TOP2A: variants seen among roughly 807,000 people sequenced by gnomAD.
TOP2A encodes the protein DNA topoisomerase 2-alpha.
A neutral mutation model predicts 187.2 loss-of-function variants in TOP2A; 68 were observed. That is an observed-to-expected ratio of 0.36 (90% confidence interval 0.30 to 0.44). The LOEUF is 0.44. Ranked by LOEUF, TOP2A falls within the 20% of genes least tolerant of loss-of-function variation. The pLI, the probability that TOP2A is intolerant of heterozygous loss-of-function variation, is 1.00. For missense variants in TOP2A, 1,196 were observed against 1,808.7 expected, an observed-to-expected ratio of 0.66 and a Z score of 6.14; for synonymous variants, 542 against 593.2, an observed-to-expected ratio of 0.91 and a Z score of 1.25.
intron 20 of TOP2A, among the ~76,000 whole-genome samples, chr17:40,402,055 AG>A (rs1567785613): frequency 6.6e-6 from 1 of 152,168 alleles, no homozygotes; most frequent in Non-Finnish European, 1.5e-5. Context: ...AGTTTAGATG[AG>A]ATGGGGGTGG....
Position 40,411,772 on chromosome 17 carries a change from A to G in TOP2A, c.836T>C (p.Leu279Ser). 6.2e-7 allele frequency: 1 copy of G among 1,609,034 alleles called. No homozygotes were observed. The highest frequency in any genetic ancestry group is 8.5e-7 in the Non-Finnish European group (1 of 1,178,512). ...TTTCAAGGAGTTACCAGTTTCATCC[A>G]ACTTGTCCTTCAAATACATGTCCAC... ...SYVDMYLKDK[L>S]DETGNSLKVI... is the part of the protein sequence containing the mutation. Residue 279 changes from leucine (L) to serine (S), a missense_variant, in exon 8 of 35, where the codon TTG becomes TCG. Physicochemically the swap from Leu to Ser is moderately radical, Grantham distance 145. Transcript: ENST00000423485. The surrounding 1 kb of genome is among the most constrained non-coding windows in gnomAD (Gnocchi z 4.4).
Position 40,399,025 on chromosome 17 carries a change from G to C in TOP2A, c.3288+15C>G, listed in dbSNP as rs2143643339. The C allele has an allele frequency of 3.1e-6, 5 of 1,591,368 alleles. No individual in the cohort carries two copies. The highest frequency in any genetic ancestry group is 4.3e-6 in the Non-Finnish European group (5 of 1,166,876). ...ATAGTCTTTAACAATATAGAAAAGTGCCACCCAAGATTACCTTTTGCTGGG... is the reference window on the plus strand; with the variant it reads ...ATAGTCTTTAACAATATAGAAAAGTCCCACCCAAGATTACCTTTTGCTGGG... On this transcript the variant is annotated intron_variant, in intron 25 of 34. Coordinates refer to ENST00000423485, the MANE Select transcript of TOP2A (RefSeq NM_001067.4).
chr17:40,407,715 T>C lies in TOP2A; in HGVS notation c.1501-41A>G, dbSNP rs567118152. The C allele has an allele frequency of 3.0e-5, 46 of 1,521,490 alleles. No homozygotes were observed. The South Asian group carries it at 5.5e-4, about 18-fold the overall frequency. 94.2% of individuals were successfully genotyped at this position (1,521,490 alleles called of 1,614,324 possible). On this transcript the variant is annotated intron_variant, in intron 12 of 34. Coordinates refer to ENST00000423485, the MANE Select transcript of TOP2A (RefSeq NM_001067.4). Reference sequence around the variant, plus strand: ...ACCAAAAAAAGCATCGTTTATAAATTTGAAAAGAACAAAGAAATTTAACAG... The same window carrying C: ...ACCAAAAAAAGCATCGTTTATAAATCTGAAAAGAACAAAGAAATTTAACAG...
rs471692 is a variant in TOP2A at position 40,400,518 on chromosome 17, T to C, written c.2799+11A>G. 0.81 allele frequency: 1,298,625 copies of C among 1,601,858 alleles called. 529,112 individuals are homozygous for C. The highest frequency in any genetic ancestry group is 0.96 in the African/African-American group (71,513 of 74,378). On this transcript the variant is annotated intron_variant, in intron 22 of 34. Transcript: ENST00000423485. ...ATCACAAACCTAAAAAAGAAATCCA[T>C]AATTATTTACCTGGGTCCATGTTCT...
intron 30 of TOP2A, 47 bp from the exon 31 acceptor site, chr17:40,392,388 A>C: frequency 6.4e-7 from 1 of 1,552,492 alleles, no homozygotes; most frequent in Non-Finnish European, 8.7e-7. Flanking sequence ...GTAGTAGGAG[A>C]AACAATTCAT....
intron 5 of TOP2A, 71 bp downstream of exon 5, chr17:40,413,409 C>G: frequency 7.1e-7 from 1 of 1,409,292 alleles, no homozygotes; most frequent in Non-Finnish European, 9.5e-7. Flanking sequence ...CTTTAACCCT[C>G]ATGCCACAGA....
chr17:40,411,562 C>T lies in TOP2A; in HGVS notation c.963+83G>A. The T allele has an allele frequency of 6.5e-7, 1 of 1,547,536 alleles. No homozygotes were observed. The highest frequency in any genetic ancestry group is 8.9e-7 in the Non-Finnish European group (1 of 1,124,330). ...CTTTATACTAAGCTAGCCCAATATT[C>T]AAGTCCACTTTATATATTAAAAACA... is the stretch of plus-strand genomic sequence containing the variant. On this transcript the variant is annotated intron_variant, in intron 8 of 34. Coordinates refer to ENST00000423485, the MANE Select transcript of TOP2A (RefSeq NM_001067.4). The surrounding 1 kb of genome is among the most constrained non-coding windows in gnomAD (Gnocchi z 4.4).
At chr17:40,402,436 G>A (rs1279603981) in intron 20 of TOP2A, among the ~76,000 whole-genome samples, 1 of 152,168 alleles carries the variant, frequency 6.6e-6, no homozygotes, top group Non-Finnish European at 1.5e-5. Flanking sequence ...TTTAGAGGTT[G>A]GGAAGGTGAG....
chr17:40,409,722 A>G, intron 10 of TOP2A: 1 of 210,612 alleles, frequency 4.7e-6, no homozygotes, highest in Non-Finnish European at 9.7e-6. Flanking sequence ...AGAGATTGCA[A>G]TGAGCCAGGA....
intron 19 of TOP2A, among the ~76,000 whole-genome samples, chr17:40,403,577 A>G (rs1184824924): frequency 1.3e-5 from 2 of 152,240 alleles, no homozygotes; most frequent in Non-Finnish European, 2.9e-5. Context: ...ACCTGTAGGC[A>G]ATCTAGTTCT....
rs764199346 is a variant in TOP2A at position 40,417,823 on chromosome 17, G to A, written c.-32C>T. ...GGTCGTGAAGGGGCTCAAGAACCCTGAAAGCGACTAAACAGGCAGGACCCC... is the reference window on the plus strand; with the variant it reads ...GGTCGTGAAGGGGCTCAAGAACCCTAAAAGCGACTAAACAGGCAGGACCCC... On this transcript the variant is annotated 5_prime_UTR_variant, in exon 1 of 35. Transcript: ENST00000423485. The A allele has an allele frequency of 1.9e-6, 3 of 1,613,222 alleles. No individual in the cohort carries two copies. The highest frequency in any genetic ancestry group is 2.2e-5 in the South Asian group (2 of 91,012).
At chr17:40,390,624 ATTTT>A (rs202246173) in intron 33 of TOP2A, among the ~76,000 whole-genome samples, 5 of 129,806 alleles carry the variant, frequency 3.9e-5, no homozygotes, top group Admixed American at 7.9e-5. Context: ...TAAACATTCT[ATTTT>A]TTTTTTTTTT....
Position 40,411,533 on chromosome 17 carries a change from C to T in TOP2A, c.964-78G>A. 1 of 1,557,454 alleles carries T rather than the reference C, an allele frequency of 6.4e-7. No homozygotes were observed. Among genetic ancestry groups the T allele is most frequent in the Non-Finnish European group, 8.9e-7 (1 of 1,129,634 alleles). ...AATCAAACATTAAAAACTAATTTAA[C>T]CTCCTTTATACTAAGCTAGCCCAAT... is the stretch of plus-strand genomic sequence containing the variant. On this transcript the variant is annotated intron_variant, in intron 8 of 34. Coordinates refer to ENST00000423485, the MANE Select transcript of TOP2A (RefSeq NM_001067.4). This position sits in a 1 kb window ranked among gnomAD's most constrained non-coding sequence, Gnocchi z 4.4.
At position 40,411,044 on chromosome 17, in the gene TOP2A, A is replaced by T. The variant is rs1452307592; in HGVS notation, c.1203+65T>A. ...ATGAGAAGAATCATTGTTTCTGCAG[A>T]GCTAAGAAGTGCAATGGAAAATAAA... On this transcript the variant is annotated intron_variant, in intron 10 of 34. Transcript: ENST00000423485. This position sits in a 1 kb window ranked among gnomAD's most constrained non-coding sequence, Gnocchi z 4.4. 6.9e-7 allele frequency: 1 copy of T among 1,442,554 alleles called. No homozygotes were observed. Among genetic ancestry groups the T allele is most frequent in the South Asian group, 1.4e-5 (1 of 73,416 alleles). The allele number at this position is 1,442,554 out of a possible 1,614,324, so 89.4% of individuals were successfully genotyped here. A position where few individuals can be genotyped will look rare whatever the true frequency, so the allele number is the denominator to read the frequency against.
intron 16 of TOP2A, among the ~76,000 whole-genome samples, chr17:40,405,274 C>T (rs988293359): frequency 1.3e-5 from 2 of 151,704 alleles, no homozygotes; most frequent in Middle Eastern, 3.2e-3. Context: ...CTCAGCCTCC[C>T]GTGTAGCTGG....
At chr17:40,408,823 T>G (rs1379627593) in intron 10 of TOP2A, 193 bp from the exon 11 acceptor site, 1 of 696,866 alleles carries the variant, frequency 1.4e-6, no homozygotes, top group Non-Finnish European at 2.6e-6. Context: ...CTGCTCCTTT[T>G]GGTTCATTCG....
chr17:40,390,514 T>C (rs1392499848), intron 33 of TOP2A, among the ~76,000 whole-genome samples: 1 of 151,884 alleles, frequency 6.6e-6, no homozygotes, highest in Non-Finnish European at 1.5e-5. Flanking sequence ...CTTAGATGAA[T>C]TGTTCTCATT....
chr17:40,391,291 T>G, intron 33 of TOP2A: 1 of 484,442 alleles, frequency 2.1e-6, no homozygotes, highest in Non-Finnish European at 3.6e-6. Context: ...AGGAGTTTGA[T>G]CTGTAACTGA....
Position 40,417,786 on chromosome 17 carries a change from T to C in TOP2A, c.6A>G (p.Glu2=). The C allele has an allele frequency of 6.2e-7, 1 of 1,613,400 alleles. No homozygotes were observed. The highest frequency in any genetic ancestry group is 1.1e-5 in the South Asian group (1 of 91,070). M[E]VSPLQPVNEN... ...CGAGCCGTACCTGCAATGGTGACAC[T>C]TCCATGGTGACGGTCGTGAAGGGGC... The change falls in exon 1 of 35, where the codon GAA becomes GAG. Residue 2 remains glutamate (E), a synonymous_variant. Transcript: ENST00000423485.
Sources: allele counts gnomAD v4.1 joint callset (sites outside exome capture counted in the v4.1 genomes callset), GRCh38; gene constraint gnomAD v4.1.1; non-coding constraint Gnocchi (gnomAD v3.1); transcripts MANE v1.5; gene names NCBI Gene and HGNC (gene_info 2026-07-23, HGNC 2026-07-21).